Variants in COL23A1 observed in about 807,000 individuals in gnomAD.
COL23A1 encodes collagen type XXIII alpha 1 chain, also known as collagen alpha-1(XXIII) chain.
COL23A1 carries 97 observed loss-of-function variants against 99.3 expected under a neutral mutation model. The ratio of observed to expected loss-of-function variants is 0.98; its 90% CI spans 0.83 to 1.16. The LOEUF (loss-of-function observed/expected upper bound fraction) is 1.16, where lower values mean the gene tolerates loss of function less well. Among genes scored for constraint, COL23A1 ranks in the 50% most tolerant of loss-of-function variants. The pLI is 0.00. For missense variants in COL23A1, 762 were observed against 757.4 expected, an observed-to-expected ratio of 1.01 and a Z score of -0.07; for synonymous variants, 320 against 308.2, an observed-to-expected ratio of 1.04 and a Z score of -0.40.
chr5:178,252,629 T>C, intron 16 of COL23A1, 32 bp from the exon 17 acceptor site: 1 of 1,589,304 alleles, frequency 6.3e-7, no homozygotes, highest in Non-Finnish European at 8.6e-7. Context: ...GTCAGTGTCA[T>C]GGGTTAGGCA....
At chr5:178,477,793 C>A (rs1157257817) in intron 2 of COL23A1, among the ~76,000 whole-genome samples, 1 of 152,192 alleles carries the variant, frequency 6.6e-6, no homozygotes, top group Admixed American at 6.5e-5. Context: ...CAGCCCGAGT[C>A]ATTTGCTTCA....
At chr5:178,358,224 ATGTG>A (rs747443659) in intron 2 of COL23A1, among the ~76,000 whole-genome samples, 2 of 53,388 alleles carry the variant, frequency 3.7e-5, no homozygotes, top group Non-Finnish European at 6.7e-5. Context: ...TGTGTGTCTA[ATGTG>A]TGTATGTGTG....
Position 178,282,052 on chromosome 5 carries a change from C to CAAAAAAA in COL23A1, c.441+6265_441+6271dup, listed in dbSNP as rs70994994. ...GGGCGACAGAGCAAGACACTGTCTC[C>CAAAAAAA]AAAAAAAAAAAAAAAAGATGGGGTT... On this transcript the variant is annotated intron_variant, in intron 5 of 28. Coordinates refer to ENST00000390654, the MANE Select transcript of COL23A1 (RefSeq NM_173465.4). Among the ~76,000 whole-genome samples the CAAAAAAA allele has an allele frequency of 2.4e-4, 24 of 98,702 alleles. 1 individual carries two copies. The highest frequency in any genetic ancestry group is 6.6e-4 in the African/African-American group (18 of 27,386). The allele number at this position is 98,702 out of a possible 152,430, so 64.8% of individuals were successfully genotyped here.
At chr5:178,511,335 A>T (rs990253720) in intron 2 of COL23A1, among the ~76,000 whole-genome samples, 1 of 152,180 alleles carries the variant, frequency 6.6e-6, no homozygotes, top group Non-Finnish European at 1.5e-5. Context: ...CAACATTGAG[A>T]AGTTCTCAGC....
At chr5:178,398,318 T>C (rs553933026) in intron 2 of COL23A1, among the ~76,000 whole-genome samples, 1 of 152,312 alleles carries the variant, frequency 6.6e-6, no homozygotes, top group East Asian at 1.9e-4. Context: ...GAAAAAATTA[T>C]TCTTTTTTTT....
rs1253058751 is a variant in COL23A1, at chr5:178,514,132, G to A, written c.361+46550C>T. 2.6e-5 allele frequency among the ~76,000 whole-genome samples: 4 copies of A among 152,212 alleles called. No individual in the cohort carries two copies. In the East Asian group the frequency reaches 5.8e-4, roughly 22 times the overall value. Reference sequence around the variant, plus strand: ...TGTCTTGATGAATTTGATGGCTCTGGGTACTTCATATAAATGGACTCAGGC... The same window carrying A: ...TGTCTTGATGAATTTGATGGCTCTGAGTACTTCATATAAATGGACTCAGGC... On this transcript the variant is annotated intron_variant, in intron 2 of 28. Coordinates refer to ENST00000390654, the MANE Select transcript of COL23A1 (RefSeq NM_173465.4).
chr5:178,455,689 C>T (rs1581422452), intron 2 of COL23A1, among the ~76,000 whole-genome samples: 2 of 152,104 alleles, frequency 1.3e-5, no homozygotes, highest in Non-Finnish European at 2.9e-5. Context: ...GCGGACGGAC[C>T]GCACCTCAAG....
chr5:178,525,050 C>T (rs1249393337), intron 2 of COL23A1, among the ~76,000 whole-genome samples: 4 of 151,012 alleles, frequency 2.6e-5, no homozygotes, highest in Non-Finnish European at 4.4e-5. Context: ...TAAGAAATGG[C>T]GACACAGCGC....
intron 16 of COL23A1, among the ~76,000 whole-genome samples, chr5:178,254,747 C>T (rs1025688701): frequency 6.6e-6 from 1 of 152,176 alleles, no homozygotes; most frequent in Non-Finnish European, 1.5e-5. Flanking sequence ...GCCACGTGGG[C>T]CACATTCACA....
In COL23A1 at chr5:178,369,573, T is replaced by C. The variant is rs564454631; in HGVS notation, c.362-62654A>G. On this transcript the variant is annotated intron_variant, in intron 2 of 28. Transcript: ENST00000390654. ...GTGGAAGGGACCCAGTGGGAGGTAA[T>C]TGAATCATGGGGGCAGGTCATTCTC... Among the ~76,000 whole-genome samples the C allele has an allele frequency of 2.5e-3, 386 of 152,284 alleles. 2 individuals carry two copies. The highest frequency in any genetic ancestry group is 6.8e-3 in the Middle Eastern group (2 of 294).
At chr5:178,286,614 AGCCAC>A (rs1259885493) in intron 5 of COL23A1, among the ~76,000 whole-genome samples, 1 of 152,126 alleles carries the variant, frequency 6.6e-6, no homozygotes, top group Non-Finnish European at 1.5e-5. Context: ...CAGAGATGAG[AGCCAC>A]GCCCAGCTAC....
intron 2 of COL23A1, among the ~76,000 whole-genome samples, chr5:178,330,104 G>T (rs945089604): frequency 6.6e-6 from 1 of 152,152 alleles, no homozygotes; most frequent in Non-Finnish European, 1.5e-5. Flanking sequence ...AGAGTATTCA[G>T]GGGGGAGAGA....
At chr5:178,529,769 C>T (rs977951936) in intron 2 of COL23A1, among the ~76,000 whole-genome samples, 1 of 152,154 alleles carries the variant, frequency 6.6e-6, no homozygotes, top group African/African-American at 2.4e-5. Context: ...TGGGGCCAGA[C>T]CTCAGGCCTG....
intron 2 of COL23A1, among the ~76,000 whole-genome samples, chr5:178,359,848 G>A (rs1762082682): frequency 6.6e-6 from 1 of 152,224 alleles, no homozygotes; most frequent in Non-Finnish European, 1.5e-5. Flanking sequence ...GACTGGGATG[G>A]CTCCCAGAAA....
At chr5:178,431,601 G>A (rs4541676) in intron 2 of COL23A1, among the ~76,000 whole-genome samples, 18,663 of 152,274 alleles carry the variant, frequency 0.12, 1,994 homozygotes, top group African/African-American at 0.29. Flanking sequence ...AGAGACTGGA[G>A]TGATGCAGCC....
chr5:178,399,171 T>C (rs1462600911), intron 2 of COL23A1, among the ~76,000 whole-genome samples: 1 of 152,164 alleles, frequency 6.6e-6, no homozygotes, highest in African/African-American at 2.4e-5. Context: ...ATCACTGACA[T>C]GGAGTGTGGT....
chr5:178,437,267 A>C (rs189364340), intron 2 of COL23A1, among the ~76,000 whole-genome samples: 65 of 152,294 alleles, frequency 4.3e-4, no homozygotes, highest in Non-Finnish European at 7.2e-4. Flanking sequence ...CTGGTTCCAG[A>C]AACAGAAAGC....
intron 1 of COL23A1, among the ~76,000 whole-genome samples, chr5:178,569,703 C>T (rs1416799484): frequency 6.6e-6 from 1 of 152,202 alleles, no homozygotes; most frequent in East Asian, 1.9e-4. Flanking sequence ...CTTCCTGGAG[C>T]TCTGAGTCTT....
intron 2 of COL23A1, among the ~76,000 whole-genome samples, chr5:178,362,088 T>C (rs150823856): frequency 2.6e-5 from 4 of 152,356 alleles, no homozygotes; most frequent in African/African-American, 9.6e-5. Context: ...GGAGGCTTCC[T>C]AGGTCCAACT....
Sources: gnomAD v4.1 joint callset for allele counts (sites outside exome capture counted in the v4.1 genomes callset) on GRCh38, gnomAD v4.1.1 for gene constraint, MANE v1.5 for transcripts, NCBI Gene and HGNC (gene_info 2026-07-23, HGNC 2026-07-21) for gene names.